The following NEDD4 variants were observed in gnomAD, a reference collection of about 807,000 sequenced individuals.
NEDD4 encodes NEDD4 E3 ubiquitin protein ligase, also known as E3 ubiquitin-protein ligase NEDD4.
NEDD4 carries 99 observed loss-of-function variants against 144.9 expected under a neutral mutation model. The ratio of observed to expected loss-of-function variants is 0.68; its 90% CI spans 0.58 to 0.81. The LOEUF (loss-of-function observed/expected upper bound fraction) is 0.81, where lower values mean the gene tolerates loss of function less well. NEDD4 is among the 30% of genes least tolerant of loss of function. The pLI, the probability that NEDD4 is intolerant of heterozygous loss-of-function variation, is 0.00. For missense variants in NEDD4, 985 were observed against 1,065.9 expected, an observed-to-expected ratio of 0.92 and a Z score of 1.06; for synonymous variants, 318 against 350.6, an observed-to-expected ratio of 0.91 and a Z score of 1.04.
chr15:55,827,124 C>T lies in NEDD4; in HGVS notation c.*2773G>A, dbSNP rs1220164399. On this transcript the variant is annotated 3_prime_UTR_variant, in exon 29 of 29. Transcript: ENST00000435532. ...TGATACTTATATGGAATAACTTCAGCATTATAAATAAAAACCCAAAACAAA... is the reference window on the plus strand; with the variant it reads ...TGATACTTATATGGAATAACTTCAGTATTATAAATAAAAACCCAAAACAAA... 6.6e-6 allele frequency: 1 copy of T among 152,092 alleles called. No individual in the cohort carries two copies. Among genetic ancestry groups the T allele is most frequent in the Non-Finnish European group, 1.5e-5 (1 of 68,016 alleles). 9.4% of individuals were successfully genotyped at this position (152,092 alleles called of 1,614,324 possible).
chr15:55,891,260 T>C (rs2035563112), intron 5 of NEDD4, among the ~76,000 whole-genome samples: 1 of 152,028 alleles, frequency 6.6e-6, no homozygotes, highest in Non-Finnish European at 1.5e-5. Flanking sequence ...ATTTGAAAAA[T>C]GAAAAAATTT....
intron 11 of NEDD4, among the ~76,000 whole-genome samples, chr15:55,859,015 T>A (rs1415773486): frequency 6.6e-6 from 1 of 152,192 alleles, no homozygotes; most frequent in Middle Eastern, 3.2e-3. Flanking sequence ...AGAATGTAAG[T>A]CCCATGAAGG....
At chr15:55,967,706 TA>T (rs796939323) in intron 1 of NEDD4, among the ~76,000 whole-genome samples, 3 of 147,194 alleles carry the variant, frequency 2.0e-5, no homozygotes, top group Non-Finnish European at 3.0e-5. Flanking sequence ...ATAAGAAATA[TA>T]AAAAAACTTC....
intron 1 of NEDD4, among the ~76,000 whole-genome samples, chr15:55,979,336 CCTCTTT>C (rs1377115762): frequency 1.3e-4 from 10 of 76,338 alleles, no homozygotes; most frequent in Admixed American, 7.4e-4. Flanking sequence ...AAAGTTTTTA[CCTCTTT>C]TTTTTTTTTT....
intron 1 of NEDD4, among the ~76,000 whole-genome samples, chr15:55,968,477 T>C (rs1394541046): frequency 6.6e-6 from 1 of 152,194 alleles, no homozygotes; most frequent in East Asian, 1.9e-4. Flanking sequence ...CTTCTTCCTG[T>C]AGACATATCT....
At chr15:55,949,743 T>A (rs534220822) in intron 4 of NEDD4, among the ~76,000 whole-genome samples, 1 of 152,030 alleles carries the variant, frequency 6.6e-6, no homozygotes, top group Non-Finnish European at 1.5e-5. Flanking sequence ...TAGGTGGGAA[T>A]TGAACAATGA....
intron 1 of NEDD4, among the ~76,000 whole-genome samples, chr15:55,984,666 T>G (rs894613625): frequency 6.6e-6 from 1 of 152,202 alleles, no homozygotes; most frequent in Non-Finnish European, 1.5e-5. Flanking sequence ...TACAGACATA[T>G]TTACTCAACT....
chr15:55,858,718 G>A (rs1025293500), intron 11 of NEDD4, among the ~76,000 whole-genome samples: 6 of 152,192 alleles, frequency 3.9e-5, no homozygotes, highest in African/African-American at 9.7e-5. Flanking sequence ...GCAGGCAGGC[G>A]GATTTACTGG....
intron 17 of NEDD4, among the ~76,000 whole-genome samples, chr15:55,847,940 A>G (rs1362639686): frequency 6.6e-6 from 1 of 152,156 alleles, no homozygotes; most frequent in African/African-American, 2.4e-5. Flanking sequence ...TTGGCCTCCC[A>G]AAGTGCTGGG....
At chr15:55,830,406 A>G in intron 28 of NEDD4, 108 bp downstream of exon 28, 1 of 984,456 alleles carries the variant, frequency 1.0e-6, no homozygotes, top group South Asian at 1.4e-5. Context: ...CATAATCCAT[A>G]CCTGCCACCG....
chr15:55,927,063 G>A (rs2036682390), intron 4 of NEDD4, among the ~76,000 whole-genome samples: 1 of 117,408 alleles, frequency 8.5e-6, no homozygotes. Flanking sequence ...GGGCAACAGA[G>A]TGAGACTACG....
Position 55,834,095 on chromosome 15 carries a change from A to G in NEDD4, c.2373T>C (p.His791=), listed in dbSNP as rs775488130. 3.1e-6 allele frequency: 5 copies of G among 1,613,714 alleles called. No homozygotes were observed. In the South Asian group the frequency reaches 4.4e-5, roughly 14 times the overall value. ...GDVDVNDWRE[H]TKYKNGYSAN... is the part of the protein sequence containing the mutation. ...CACTGTAGCCATTTTTATACTTTGT[A>G]TGTTCCCTCCAGTCATTCACATCAA... Residue 791 remains histidine, a synonymous_variant, in exon 26 of 29, where the codon CAT becomes CAC. Transcript: ENST00000435532.
chr15:55,915,809 T>C (rs763153587), intron 5 of NEDD4: 1 of 1,613,836 alleles, frequency 6.2e-7, no homozygotes, highest in South Asian at 1.1e-5. Context: ...GAAGCGGCCG[T>C]ATGTCTCTTA....
chr15:55,927,729 A>C (rs1440811616), intron 4 of NEDD4, among the ~76,000 whole-genome samples: 2 of 152,200 alleles, frequency 1.3e-5, no homozygotes, highest in Admixed American at 1.3e-4. Context: ...TTATTTTGTC[A>C]GTGGTGCACA....
intron 2 of NEDD4, among the ~76,000 whole-genome samples, chr15:55,960,943 C>G (rs566809525): frequency 6.6e-6 from 1 of 152,236 alleles, no homozygotes; most frequent in Non-Finnish European, 1.5e-5. Flanking sequence ...GCCCTCTTCT[C>G]TCTGGCATCT....
intron 1 of NEDD4, among the ~76,000 whole-genome samples, chr15:55,983,903 G>A (rs1164326593): frequency 2.0e-5 from 3 of 152,028 alleles, no homozygotes; most frequent in Admixed American, 6.6e-5. Context: ...GAGCCACTGC[G>A]CCCAGCCTGT....
chr15:55,989,211 G>T (rs2037949610), intron 1 of NEDD4, among the ~76,000 whole-genome samples: 1 of 152,216 alleles, frequency 6.6e-6, no homozygotes, highest in Admixed American at 6.5e-5. Flanking sequence ...ACTCCAGCCT[G>T]TGTGACAGAG....
At position 55,948,171 on chromosome 15, in the gene NEDD4, A is replaced by G. The variant is rs868275160; in HGVS notation, c.237+3205T>C. Among the ~76,000 whole-genome samples the G allele has an allele frequency of 5.9e-5, 9 of 152,340 alleles. No homozygotes were observed. In the East Asian group the frequency reaches 1.4e-3, roughly 23 times the overall value. ...ATACATCAATTACAGACAAACAGAG[A>G]GCCAAATCATGAGTGAACTCCCATT... On this transcript the variant is annotated intron_variant, in intron 4 of 28. Transcript: ENST00000435532.
intron 1 of NEDD4, among the ~76,000 whole-genome samples, chr15:55,989,154 G>A (rs7179929): frequency 0.062 from 9,372 of 152,102 alleles, 376 homozygotes; most frequent in East Asian, 0.16. Flanking sequence ...GAAAATCGCT[G>A]GAACCTGGTA....
Sources: gnomAD v4.1 joint callset for allele counts (sites outside exome capture counted in the v4.1 genomes callset) on GRCh38, gnomAD v4.1.1 for gene constraint, MANE v1.5 for transcripts, NCBI Gene and HGNC (gene_info 2026-07-23, HGNC 2026-07-21) for gene names.